The following HGSNAT variants were observed in gnomAD, a reference collection of about 807,000 sequenced individuals.
The protein encoded by HGSNAT is transmembrane protein 76.
HGSNAT carries 59 observed loss-of-function variants against 85.2 expected under a neutral mutation model. The ratio of observed to expected loss-of-function variants is 0.69; its 90% CI spans 0.56 to 0.86. The LOEUF (loss-of-function observed/expected upper bound fraction) is 0.86. Ranked by LOEUF, HGSNAT falls within the 40% of genes least tolerant of loss-of-function variation. HGSNAT has a pLI of 0.00. For synonymous variants in HGSNAT, 321 were observed against 304.5 expected, an observed-to-expected ratio of 1.05 and a Z score of -0.56; for missense variants, 756 against 777.1, an observed-to-expected ratio of 0.97 and a Z score of 0.32.
At chr8:43,181,217 G>C (rs1243953273) in intron 10 of HGSNAT, among the ~76,000 whole-genome samples, 1 of 121,102 alleles carries the variant, frequency 8.3e-6, no homozygotes, top group Non-Finnish European at 1.7e-5. Context: ...GAGAGGGAGA[G>C]GGAGAGGGAG....
intron 14 of HGSNAT, chr8:43,194,372 T>C: frequency 1.0e-6 from 1 of 984,226 alleles, no homozygotes; most frequent in Non-Finnish European, 1.2e-6. Flanking sequence ...CACTCCTGGC[T>C]GGGCAACAGA....
At chr8:43,168,145 T>G (rs1803492685) in intron 5 of HGSNAT, 2 of 158,156 alleles carry the variant, frequency 1.3e-5, no homozygotes, top group East Asian at 3.8e-4. Context: ...GGTCTTGATC[T>G]CCTAACCTCG....
intron 1 of HGSNAT, among the ~76,000 whole-genome samples, chr8:43,145,809 A>G (rs915966255): frequency 5.9e-5 from 9 of 152,136 alleles, no homozygotes; most frequent in African/African-American, 2.2e-4. Flanking sequence ...TGATTCTGCC[A>G]TTCAAATGAG....
At chr8:43,146,720 G>A (rs1440091732) in intron 1 of HGSNAT, among the ~76,000 whole-genome samples, 1 of 151,872 alleles carries the variant, frequency 6.6e-6, no homozygotes, top group Non-Finnish European at 1.5e-5. Flanking sequence ...TGCAAAAGGA[G>A]ACCTGTGTGT....
At chr8:43,152,859 T>A (rs1802963138) in intron 2 of HGSNAT, among the ~76,000 whole-genome samples, 1 of 152,136 alleles carries the variant, frequency 6.6e-6, no homozygotes, top group East Asian at 1.9e-4. Flanking sequence ...TTTCCCAAGT[T>A]AATTAATATA....
chr8:43,170,496 C>T, intron 6 of HGSNAT, 89 bp from the exon 7 acceptor site: 1 of 1,193,654 alleles, frequency 8.4e-7, no homozygotes, highest in Non-Finnish European at 1.2e-6. Context: ...CAAAACAAAA[C>T]AAAACAAAAC....
At position 43,141,010 on chromosome 8, in the gene HGSNAT, A is replaced by G. The variant is rs144515124; in HGVS notation, c.118+396A>G. 8.2e-3 allele frequency among the ~76,000 whole-genome samples: 1,249 copies of G among 152,262 alleles called. 10 individuals are homozygous for G. Among genetic ancestry groups the G allele is most frequent in the Middle Eastern group, 0.017 (5 of 292 alleles). ...TCGGGGGGGCTCGGACTCCCCCTGC[A>G]CCCAGTCCACTGTTCGGAGGGACTT... On this transcript the variant is annotated intron_variant, in intron 1 of 17. Coordinates refer to ENST00000379644, the MANE Select transcript of HGSNAT (RefSeq NM_152419.3).
chr8:43,140,775 G>C (rs962860511), intron 1 of HGSNAT, among the ~76,000 whole-genome samples, 161 bp downstream of exon 1: 7 of 152,000 alleles, frequency 4.6e-5, no homozygotes, highest in African/African-American at 1.4e-4. Flanking sequence ...CCGCGCCCCA[G>C]ACCGGAGGCC....
intron 17 of HGSNAT, among the ~76,000 whole-genome samples, chr8:43,198,752 C>G (rs576581889): frequency 1.3e-4 from 20 of 152,144 alleles, no homozygotes; most frequent in Non-Finnish European, 2.6e-4. Flanking sequence ...ATTTCAATGC[C>G]TCATTTCAGC....
In HGSNAT at chr8:43,199,546, A is replaced by C. The variant is rs185367976; in HGVS notation, c.1885A>C (p.Lys629Gln). ...GCTCATTGCCTACATCCTCTATAGA[A>C]AGAAGATTTTTTGGAAAATCTGATG... ...WVLIAYILYRKKIFWKI is the reference protein window; with the variant it reads ...WVLIAYILYRQKIFWKI The change falls in exon 18 of 18, where the codon AAG (lysine) becomes CAG (glutamine). Residue 629 changes from lysine to glutamine, a missense_variant. Physicochemically the swap from Lys to Gln is moderately conservative, Grantham distance 53. Transcript: ENST00000379644. 63 of 1,557,008 alleles carry C rather than the reference A, an allele frequency of 4.0e-5. No homozygotes were observed. Among genetic ancestry groups the C allele is most frequent in the Admixed American group, 7.8e-5 (4 of 51,414 alleles).
chr8:43,156,060 G>A (rs902721171), intron 2 of HGSNAT, among the ~76,000 whole-genome samples: 3 of 151,908 alleles, frequency 2.0e-5, no homozygotes, highest in Admixed American at 6.6e-5. Flanking sequence ...GGCTGGTCTC[G>A]AATTCCTGAC....
chr8:43,148,283 G>T (rs1802778318), intron 2 of HGSNAT, among the ~76,000 whole-genome samples: 1 of 151,608 alleles, frequency 6.6e-6, no homozygotes, highest in Non-Finnish European at 1.5e-5. Flanking sequence ...CAAATTGAGA[G>T]CTTCGTTATA....
chr8:43,197,988 G>A, intron 17 of HGSNAT, 36 bp downstream of exon 17: 1 of 1,471,260 alleles, frequency 6.8e-7, no homozygotes, highest in Non-Finnish European at 9.4e-7. Context: ...AGCTGGGATG[G>A]TGACCAGGAG....
In HGSNAT at chr8:43,197,664, C is replaced by T; in HGVS notation, c.1543-8C>T. On this transcript the variant is annotated splice_region_variant and splice_polypyrimidine_tract_variant and intron_variant, in intron 15 of 17. Coordinates refer to ENST00000379644, the MANE Select transcript of HGSNAT (RefSeq NM_152419.3). ...AAAATGTTAACATCCTTCTCTTCCCCATTACAGGGGCTCATTTCTGTTGCT... is the reference window on the plus strand; with the variant it reads ...AAAATGTTAACATCCTTCTCTTCCCTATTACAGGGGCTCATTTCTGTTGCT... 1 of 1,604,542 alleles carries T rather than the reference C, an allele frequency of 6.2e-7. No individual in the cohort carries two copies. The highest frequency in any genetic ancestry group is 8.5e-7 in the Non-Finnish European group (1 of 1,171,446).
In HGSNAT at chr8:43,196,400, G is replaced by A. The variant is rs534664167; in HGVS notation, c.1465-548G>A. On this transcript the variant is annotated intron_variant, in intron 14 of 17. Transcript: ENST00000379644. ...CCCTGCCTCCCCCACCCTGCCTCTGGTTCCACCCTGTCCCGGTCCCTCTTC... is the reference window on the plus strand; with the variant it reads ...CCCTGCCTCCCCCACCCTGCCTCTGATTCCACCCTGTCCCGGTCCCTCTTC... 3.4e-4 allele frequency: 421 copies of A among 1,227,976 alleles called. 4 individuals carry two copies. The highest frequency in any genetic ancestry group is 2.4e-3 in the Middle Eastern group (11 of 4,592). The allele number at this position is 1,227,976 out of a possible 1,614,324, so 76.1% of individuals were successfully genotyped here. A position where few individuals can be genotyped will look rare whatever the true frequency, so the allele number is the denominator to read the frequency against.
At chr8:43,157,759 CAG>C (rs1803137197) in intron 2 of HGSNAT, among the ~76,000 whole-genome samples, 1 of 152,056 alleles carries the variant, frequency 6.6e-6, no homozygotes, top group Non-Finnish European at 1.5e-5. Flanking sequence ...ACCTGGGTGA[CAG>C]AGTGAGACCC....
At chr8:43,165,355 G>A (rs145643808) in intron 5 of HGSNAT, among the ~76,000 whole-genome samples, 3 of 152,118 alleles carry the variant, frequency 2.0e-5, no homozygotes, top group African/African-American at 4.8e-5. Context: ...CCCACTGACT[G>A]TTCCCCCATT....
intron 2 of HGSNAT, among the ~76,000 whole-genome samples, chr8:43,150,165 C>T (rs1286679540): frequency 6.6e-6 from 1 of 151,948 alleles, no homozygotes; most frequent in East Asian, 1.9e-4. Context: ...ATTTTGGCCA[C>T]GCTGGTCCTG....
intron 6 of HGSNAT, among the ~76,000 whole-genome samples, chr8:43,169,557 A>C (rs1803546701): frequency 6.6e-6 from 1 of 152,222 alleles, no homozygotes; most frequent in Admixed American, 6.5e-5. Context: ...AAGAAATAAG[A>C]GACAACAATA....
Sources: allele counts gnomAD v4.1 joint callset (sites outside exome capture counted in the v4.1 genomes callset), GRCh38; gene constraint gnomAD v4.1.1; transcripts MANE v1.5; gene names NCBI Gene and HGNC (gene_info 2026-07-23, HGNC 2026-07-21).